STXBP3: variants seen among roughly 807,000 people sequenced by gnomAD.
The protein encoded by STXBP3 is syntaxin binding protein 3.
In STXBP3, 41 loss-of-function variants were observed where a neutral mutation model predicts 85.7. The observed-to-expected ratio is 0.48, with a 90% CI of 0.37 to 0.62. The LOEUF is 0.62. STXBP3 is among the 20% of genes least tolerant of loss of function. STXBP3 has a pLI of 0.00. For missense variants in STXBP3, 563 were observed against 703.1 expected (o/e 0.80, Z 2.25); for synonymous variants, 229 against 231.7 (o/e 0.99, Z 0.10).
intron 10 of STXBP3, 23 bp downstream of exon 10, chr1:108,782,540 T>C (rs541125035): frequency 6.2e-7 from 1 of 1,609,850 alleles, no homozygotes; most frequent in East Asian, 2.2e-5. Context: ...ATTTTAATTT[T>C]TGTTCCATAA....
chr1:108,775,316 A>G lies in STXBP3; in HGVS notation c.594-1017A>G, dbSNP rs549918581. On this transcript the variant is annotated intron_variant, in intron 7 of 18. Coordinates refer to ENST00000370008, the MANE Select transcript of STXBP3 (RefSeq NM_007269.4). ...TTTTGTGGATACATAGTAGGTGTAT[A>G]TATTTATGGGGTACGTGACACATTT... Among the ~76,000 whole-genome samples the G allele has an allele frequency of 2.4e-4, 36 of 152,164 alleles. No individual in the cohort carries two copies. The Middle Eastern group carries it at 0.01, about 43-fold the overall frequency.
chr1:108,774,166 T>C (rs75592882), intron 7 of STXBP3, among the ~76,000 whole-genome samples: 255 of 152,270 alleles, frequency 1.7e-3, no homozygotes, highest in African/African-American at 6.0e-3. Context: ...GTCATCCATG[T>C]TTGTTGTGTG....
chr1:108,786,344 CATT>C (rs1197323575), intron 11 of STXBP3, among the ~76,000 whole-genome samples: 3 of 152,126 alleles, frequency 2.0e-5, no homozygotes, highest in African/African-American at 7.2e-5. Flanking sequence ...AAACTGCCCC[CATT>C]ATTCAGTTAT....
chr1:108,798,303 A>G, intron 16 of STXBP3, 66 bp downstream of exon 16: 1 of 1,256,610 alleles, frequency 8.0e-7, no homozygotes, highest in Non-Finnish European at 1.1e-6. Context: ...TACTTTTTGT[A>G]GTTTATGTCA....
intron 6 of STXBP3, among the ~76,000 whole-genome samples, chr1:108,770,774 TG>T (rs11337585): frequency 0.7 from 107,074 of 151,950 alleles, 38,717 homozygotes; most frequent in Non-Finnish European, 0.77. Flanking sequence ...AGGGAGCTCC[TG>T]GCTTTTGTAT....
chr1:108,747,636 G>A (rs966024676), intron 1 of STXBP3, among the ~76,000 whole-genome samples: 5 of 152,156 alleles, frequency 3.3e-5, no homozygotes, highest in Non-Finnish European at 5.9e-5. Flanking sequence ...TAGTGGAAAG[G>A]GAGTAGCATC....
At position 108,808,801 on chromosome 1, in the gene STXBP3, C is replaced by T. The variant is rs756063950; in HGVS notation, c.1703C>T (p.Thr568Ile). Residue 568 changes from threonine (T) to isoleucine (I), a missense_variant, in exon 19 of 19, where the codon ACA becomes ATA. Physicochemically the swap from Thr to Ile is moderately conservative, Grantham distance 89. Coordinates refer to ENST00000370008, the MANE Select transcript of STXBP3 (RefSeq NM_007269.4). ...CTACCAGGTTCTACACATGTTTTAA[C>T]ACCCAAAAAGCTGTTGGATGATATA... ...EVIIGSTHVL[T>I]PKKLLDDIKM... 6.2e-7 allele frequency: 1 copy of T among 1,612,560 alleles called. No homozygotes were observed. Among genetic ancestry groups the T allele is most frequent in the South Asian group, 1.1e-5 (1 of 90,564 alleles).
At chr1:108,807,574 C>CTTTTTTTTTTTTTT in intron 18 of STXBP3, 25 bp downstream of exon 18, 1 of 1,418,700 alleles carries the variant, frequency 7.0e-7, no homozygotes. Flanking sequence ...TTCTTCTTTT[C>CTTTTTTTTTTTTTT]TGTTTTTTTT....
chr1:108,746,902 C>G (rs947332098), intron 1 of STXBP3, 116 bp downstream of exon 1: 7 of 1,019,216 alleles, frequency 6.9e-6, no homozygotes, highest in Non-Finnish European at 1.0e-5. Context: ...GCACTTGTTG[C>G]TTTGGGACCT....
At chr1:108,749,299 T>A (rs897861312) in intron 1 of STXBP3, among the ~76,000 whole-genome samples, 5 of 152,366 alleles carry the variant, frequency 3.3e-5, no homozygotes, top group Middle Eastern at 3.4e-3. Flanking sequence ...TTCAGGGTGC[T>A]GTAATCTCAA....
chr1:108,755,350 G>A (rs1661997361), intron 3 of STXBP3, among the ~76,000 whole-genome samples: 1 of 152,078 alleles, frequency 6.6e-6, no homozygotes, highest in Admixed American at 6.6e-5. Context: ...GGAGAACTGA[G>A]GCAGGAGGAT....
At chr1:108,780,040 A>G (rs1355008867) in intron 9 of STXBP3, 1 of 152,146 alleles carries the variant, frequency 6.6e-6, no homozygotes, top group Admixed American at 6.5e-5. Context: ...ATACATTACA[A>G]ATGTTATTTG....
intron 6 of STXBP3, among the ~76,000 whole-genome samples, chr1:108,761,463 T>C (rs1662140619): frequency 6.6e-6 from 1 of 152,212 alleles, no homozygotes; most frequent in Non-Finnish European, 1.5e-5. Flanking sequence ...ATTAAAATTC[T>C]GCAGTTGCTG....
intron 1 of STXBP3, among the ~76,000 whole-genome samples, chr1:108,747,854 C>T (rs939746363): frequency 9.2e-5 from 14 of 152,202 alleles, no homozygotes; most frequent in Admixed American, 3.9e-4. Context: ...TTAAGGTTGG[C>T]ATTTGCTTTT....
At chr1:108,800,897 AT>A (rs1473791419) in intron 17 of STXBP3, among the ~76,000 whole-genome samples, 2 of 152,100 alleles carry the variant, frequency 1.3e-5, no homozygotes, top group African/African-American at 2.4e-5. Flanking sequence ...CTACCTGAGG[AT>A]TGTTGAGTTT....
chr1:108,801,996 CT>C (rs1241486098), intron 17 of STXBP3, among the ~76,000 whole-genome samples: 5 of 151,908 alleles, frequency 3.3e-5, no homozygotes, highest in Non-Finnish European at 7.4e-5. Context: ...TTTTCCTGGA[CT>C]TTCTCAGGTT....
chr1:108,751,161 G>A (rs1217871985), intron 1 of STXBP3, among the ~76,000 whole-genome samples: 1 of 152,178 alleles, frequency 6.6e-6, no homozygotes, highest in Non-Finnish European at 1.5e-5. Context: ...GGGGCTGAAA[G>A]TTCCAACCCT....
At chr1:108,751,010 T>G (rs545379932) in intron 1 of STXBP3, among the ~76,000 whole-genome samples, 26 of 152,336 alleles carry the variant, frequency 1.7e-4, no homozygotes, top group Admixed American at 3.3e-4. Context: ...TCCTGGCACA[T>G]GGTTTGTTCA....
chr1:108,769,385 C>G (rs1211517444), intron 6 of STXBP3, among the ~76,000 whole-genome samples: 1 of 152,126 alleles, frequency 6.6e-6, no homozygotes, highest in Non-Finnish European at 1.5e-5. Context: ...CTGTGTACTT[C>G]AAGCCCTTGT....
Sources: gnomAD v4.1 joint callset for allele counts (sites outside exome capture counted in the v4.1 genomes callset) on GRCh38, gnomAD v4.1.1 for gene constraint, MANE v1.5 for transcripts, NCBI Gene and HGNC (gene_info 2026-07-23, HGNC 2026-07-21) for gene names.